KCNIP4: variants seen among roughly 807,000 people sequenced by gnomAD.
KCNIP4 encodes Kv channel-interacting protein 4.
In KCNIP4, 12 loss-of-function variants were observed where a neutral mutation model predicts 34.0. That is an observed-to-expected ratio of 0.35 (90% CI 0.23 to 0.57). The LOEUF (loss-of-function observed/expected upper bound fraction) is 0.57. Ranked by LOEUF, KCNIP4 falls within the 20% of genes least tolerant of loss-of-function variation. The pLI, the probability that KCNIP4 is intolerant of heterozygous loss-of-function variation, is 0.83. For missense variants in KCNIP4, 238 were observed against 311.7 expected (o/e 0.76, Z 1.78); for synonymous variants, 124 against 102.2 (o/e 1.21, Z -1.29).
chr4:21,187,900 C>A (rs927981255), intron 1 of KCNIP4, among the ~76,000 whole-genome samples: 5 of 152,130 alleles, frequency 3.3e-5, no homozygotes, highest in Non-Finnish European at 7.3e-5. Context: ...AAAACTGTAC[C>A]CTTTACTAGA....
intron 1 of KCNIP4, among the ~76,000 whole-genome samples, chr4:21,533,983 G>T (rs950053864): frequency 1.3e-5 from 2 of 152,146 alleles, no homozygotes; most frequent in African/African-American, 2.4e-5. Flanking sequence ...CAGTAGGGTA[G>T]AGTAGTACTT....
At position 20,729,323 on chromosome 4, in the gene KCNIP4, C is replaced by CTAAT. The variant is rs1445508045; in HGVS notation, c.*755_*758dup. ...TTCAACTTCCACTTAATGATTGATA[C>CTAAT]TAATGATTGATACAATAGAAAACAG... On this transcript the variant is annotated 3_prime_UTR_variant, in exon 9 of 9. Coordinates refer to ENST00000382152, the MANE Select transcript of KCNIP4 (RefSeq NM_025221.6). 2 of 151,230 alleles carry CTAAT rather than the reference C, an allele frequency of 1.3e-5. No individual in the cohort carries two copies. Among genetic ancestry groups the CTAAT allele is most frequent in the Non-Finnish European group, 2.9e-5 (2 of 67,926 alleles). 9.4% of individuals were successfully genotyped at this position (151,230 alleles called of 1,614,324 possible). A position where few individuals can be genotyped will look rare whatever the true frequency, so the allele number is the denominator to read the frequency against.
intron 1 of KCNIP4, among the ~76,000 whole-genome samples, chr4:21,768,686 T>A (rs1295064014): frequency 6.6e-6 from 1 of 152,082 alleles, no homozygotes; most frequent in African/African-American, 2.4e-5. Flanking sequence ...TCCTTCACAT[T>A]TGCAATTATT....
chr4:20,812,966 A>T (rs1715955366), intron 3 of KCNIP4, among the ~76,000 whole-genome samples: 2 of 151,996 alleles, frequency 1.3e-5, no homozygotes, highest in African/African-American at 4.8e-5. Flanking sequence ...ATCAAACAAT[A>T]AAGAATATAT....
At chr4:21,402,879 A>C (rs1314238833) in intron 1 of KCNIP4, among the ~76,000 whole-genome samples, 3 of 152,172 alleles carry the variant, frequency 2.0e-5, no homozygotes, top group Non-Finnish European at 4.4e-5. Context: ...TTTAAAAAAA[A>C]CAAAAGACTT....
At chr4:20,984,595 T>C (rs1258722601) in intron 1 of KCNIP4, among the ~76,000 whole-genome samples, 1 of 152,202 alleles carries the variant, frequency 6.6e-6, no homozygotes, top group Non-Finnish European at 1.5e-5. Flanking sequence ...TCAATGACTT[T>C]GTCAAACGAG....
At chr4:20,978,111 G>A (rs1413065423) in intron 1 of KCNIP4, among the ~76,000 whole-genome samples, 4 of 152,092 alleles carry the variant, frequency 2.6e-5, no homozygotes, top group South Asian at 2.1e-4. Flanking sequence ...TCATATAAGC[G>A]GGGACTCTGC....
intron 5 of KCNIP4, among the ~76,000 whole-genome samples, chr4:20,741,978 A>G (rs1285852517): frequency 6.6e-6 from 1 of 152,222 alleles, no homozygotes; most frequent in Non-Finnish European, 1.5e-5. Context: ...AGAAGAATGG[A>G]TAAATTCCTG....
chr4:21,674,026 A>C (rs1376948032), intron 1 of KCNIP4, among the ~76,000 whole-genome samples: 1 of 152,254 alleles, frequency 6.6e-6, no homozygotes, highest in Non-Finnish European at 1.5e-5. Context: ...ACAAAAATGA[A>C]GATAAACAAT....
intron 5 of KCNIP4, among the ~76,000 whole-genome samples, chr4:20,748,242 A>G (rs1752791250): frequency 6.6e-6 from 1 of 151,968 alleles, no homozygotes. Context: ...CCAATTGTGT[A>G]TTCTATCTTC....
intron 1 of KCNIP4, chr4:21,850,084 CA>C (rs2109334446): frequency 6.6e-6 from 1 of 151,896 alleles, no homozygotes; most frequent in East Asian, 1.9e-4. Context: ...GTGAGATAAA[CA>C]GCAAAATCTA....
intron 3 of KCNIP4, among the ~76,000 whole-genome samples, chr4:20,778,047 A>G (rs1161645703): frequency 1.3e-5 from 2 of 152,196 alleles, no homozygotes; most frequent in Non-Finnish European, 2.9e-5. Flanking sequence ...GATTATATCA[A>G]AGGAACCAAG....
At chr4:20,915,504 A>G (rs1323149983) in intron 1 of KCNIP4, among the ~76,000 whole-genome samples, 1 of 152,222 alleles carries the variant, frequency 6.6e-6, no homozygotes, top group Non-Finnish European at 1.5e-5. Context: ...CAACATATTA[A>G]TTTTGTTCTG....
chr4:21,178,296 C>A (rs1171201465), intron 1 of KCNIP4, among the ~76,000 whole-genome samples: 5 of 152,180 alleles, frequency 3.3e-5, no homozygotes, highest in Admixed American at 2.6e-4. Context: ...AAAGTTCTTT[C>A]ATCTATTTCT....
intron 5 of KCNIP4, among the ~76,000 whole-genome samples, chr4:20,741,391 CAAATT>C (rs1751067040): frequency 6.6e-6 from 1 of 152,192 alleles, no homozygotes; most frequent in Admixed American, 6.5e-5. Flanking sequence ...ACAATGCAAT[CAAATT>C]AAAACTCAAG....
intron 3 of KCNIP4, among the ~76,000 whole-genome samples, chr4:20,786,135 T>A (rs1711956073): frequency 6.6e-6 from 1 of 152,116 alleles, no homozygotes; most frequent in Non-Finnish European, 1.5e-5. Flanking sequence ...TGGAATCATA[T>A]CCTTTGCAGC....
At chr4:21,138,827 G>A (rs566435974) in intron 1 of KCNIP4, among the ~76,000 whole-genome samples, 1 of 152,230 alleles carries the variant, frequency 6.6e-6, no homozygotes, top group African/African-American at 2.4e-5. Context: ...CTTTGAAGAT[G>A]GAAAGGAGTC....
chr4:21,617,423 C>T (rs1744682446), intron 1 of KCNIP4, among the ~76,000 whole-genome samples: 2 of 152,106 alleles, frequency 1.3e-5, no homozygotes, highest in South Asian at 4.1e-4. Flanking sequence ...ATATGTCAAT[C>T]ATTGCTGCAT....
chr4:21,183,440 C>G (rs553035047), intron 1 of KCNIP4, among the ~76,000 whole-genome samples: 1 of 148,022 alleles, frequency 6.8e-6, no homozygotes, highest in South Asian at 2.1e-4. Flanking sequence ...GAACTTTATG[C>G]AGTTTTCTGT....
Sources: gnomAD v4.1 joint callset for allele counts (sites outside exome capture counted in the v4.1 genomes callset) on GRCh38, gnomAD v4.1.1 for gene constraint, MANE v1.5 for transcripts, NCBI Gene and HGNC (gene_info 2026-07-23, HGNC 2026-07-21) for gene names.